Variants in GNPDA2 observed in about 807,000 individuals in gnomAD.
GNPDA2 encodes the protein glcN6P deaminase 2.
Under a neutral mutation model 27.0 loss-of-function variants are expected in GNPDA2, and 24 were observed. The ratio of observed to expected loss-of-function variants is 0.89; its 90% CI spans 0.64 to 1.25. The LOEUF (loss-of-function observed/expected upper bound fraction) is 1.25. GNPDA2 is among the 50% of genes most tolerant of loss of function. The pLI, the probability that GNPDA2 is intolerant of heterozygous loss-of-function variation, is 0.00. For synonymous variants in GNPDA2, 94 were observed against 108.4 expected, an observed-to-expected ratio of 0.87 and a Z score of 0.83; for missense variants, 286 against 335.1, an observed-to-expected ratio of 0.85 and a Z score of 1.14.
At chr4:44,711,571 C>G (rs977155187) in intron 4 of GNPDA2, among the ~76,000 whole-genome samples, 1 of 152,078 alleles carries the variant, frequency 6.6e-6, no homozygotes, top group African/African-American at 2.4e-5. Flanking sequence ...TGGGTAAATA[C>G]TGAGACAGGA....
intron 6 of GNPDA2, chr4:44,706,357 ACTAT>A (rs1210661888): frequency 2.6e-5 from 4 of 151,956 alleles, no homozygotes. Flanking sequence ...TATGTACTTA[ACTAT>A]CCATTAAAAT....
At chr4:44,718,125 AAAATACAGGTTTTT>A (rs1717428039) in intron 3 of GNPDA2, among the ~76,000 whole-genome samples, 170 bp downstream of exon 3, 1 of 151,886 alleles carries the variant, frequency 6.6e-6, no homozygotes, top group African/African-American at 2.4e-5. Context: ...TACTATCACA[AAAATACAGGTTTTT>A]AAATAAACTC....
chr4:44,702,861 TAATA>T lies in GNPDA2; in HGVS notation c.*216_*219del, dbSNP rs1716359443. 6 of 1,381,544 alleles carry T rather than the reference TAATA, an allele frequency of 4.3e-6. No individual in the cohort carries two copies. The highest frequency in any genetic ancestry group is 5.6e-5 in the East Asian group (2 of 35,428). 85.6% of individuals were successfully genotyped at this position (1,381,544 alleles called of 1,614,324 possible). On this transcript the variant is annotated 3_prime_UTR_variant, in exon 7 of 7. Coordinates refer to ENST00000295448, the MANE Select transcript of GNPDA2 (RefSeq NM_138335.3). Reference sequence around the variant, plus strand: ...GTGGCTATGTGACTTCAGTACTTTATAATAAATAGCCAGTCAATCTTGAGAGCCA... The same window carrying T: ...GTGGCTATGTGACTTCAGTACTTTATAATAGCCAGTCAATCTTGAGAGCCA...
At chr4:44,705,105 A>G in intron 6 of GNPDA2, 1 of 985,100 alleles carries the variant, frequency 1.0e-6, no homozygotes, top group Non-Finnish European at 1.2e-6. Context: ...GCACTAAATA[A>G]AACCCTTTAA....
chr4:44,714,187 CT>C (rs959989099), intron 4 of GNPDA2: 5 of 351,314 alleles, frequency 1.4e-5, no homozygotes, highest in African/African-American at 1.1e-4. Context: ...GTTGGTCAGG[CT>C]GGTGTCGAAC....
rs1240398538 is a variant in GNPDA2 at position 44,710,947 on chromosome 4, GCTTA to G, written c.594+2_594+5del. The G allele has an allele frequency of 5.7e-6, 9 of 1,568,722 alleles. No homozygotes were observed. Among genetic ancestry groups the G allele is most frequent in the Non-Finnish European group, 6.9e-6 (8 of 1,160,836 alleles). ...AGAAAGACAGCAAAGAATATTTAAT[GCTTA>G]CTTCTCTAGCATCCATCACTGTCCC... On this transcript the variant is annotated splice_donor_variant and splice_donor_5th_base_variant and intron_variant, in intron 5 of 6. Transcript: ENST00000295448. LOFTEE classifies it high-confidence loss of function.
At chr4:44,710,434 C>A (rs952360923) in intron 5 of GNPDA2, among the ~76,000 whole-genome samples, 13 of 152,094 alleles carry the variant, frequency 8.5e-5, no homozygotes, top group African/African-American at 3.1e-4. Context: ...AAAAATTACA[C>A]AGGGTCTTCT....
intron 4 of GNPDA2, among the ~76,000 whole-genome samples, chr4:44,711,898 C>G (rs1028263029): frequency 6.6e-5 from 10 of 151,634 alleles, no homozygotes; most frequent in Non-Finnish European, 1.2e-4. Context: ...CTTACCCTTA[C>G]TAGGAACCAT....
intron 1 of GNPDA2, among the ~76,000 whole-genome samples, chr4:44,725,269 C>T (rs1272295088): frequency 6.6e-6 from 1 of 152,144 alleles, no homozygotes; most frequent in Non-Finnish European, 1.5e-5. Flanking sequence ...ACTGCAACTA[C>T]GAGAAGTTTA....
At chr4:44,720,334 C>T (rs1030220953) in intron 2 of GNPDA2, among the ~76,000 whole-genome samples, 1 of 152,086 alleles carries the variant, frequency 6.6e-6, no homozygotes, top group African/African-American at 2.4e-5. Flanking sequence ...GGATTCCAAT[C>T]TAGATAGGTC....
Position 44,702,007 on chromosome 4 carries a change from T to C in GNPDA2, c.*1074A>G. Reference sequence around the variant, plus strand: ...ATAAGCAAAAGGAGCATTTTTTTGCTCCCCACAGAGGCAAAGACATCTTTT... The same window carrying C: ...ATAAGCAAAAGGAGCATTTTTTTGCCCCCCACAGAGGCAAAGACATCTTTT... On this transcript the variant is annotated 3_prime_UTR_variant, in exon 7 of 7. Coordinates refer to ENST00000295448, the MANE Select transcript of GNPDA2 (RefSeq NM_138335.3). 1 of 985,364 alleles carries C rather than the reference T, an allele frequency of 1.0e-6. No individual in the cohort carries two copies. The highest frequency in any genetic ancestry group is 1.2e-6 in the Non-Finnish European group (1 of 829,744). The allele number at this position is 985,364 out of a possible 1,614,324, so 61.0% of individuals were successfully genotyped here. A position where few individuals can be genotyped will look rare whatever the true frequency, so the allele number is the denominator to read the frequency against.
intron 6 of GNPDA2, chr4:44,707,044 C>T (rs1341685828): frequency 2.0e-5 from 3 of 151,980 alleles, no homozygotes; most frequent in Non-Finnish European, 2.9e-5. Flanking sequence ...GGAGCTGACT[C>T]TTAAATCAGA....
chr4:44,711,005 A>C lies in GNPDA2; in HGVS notation c.542T>G (p.Val181Gly). Residue 181 changes from valine (V) to glycine (G), a missense_variant, in exon 5 of 7, where the codon GTG becomes GGG. Val to Gly is a moderately radical substitution (Grantham distance 109). Transcript: ENST00000295448. ...ACCAACAGTTAGAGCCATAGTTGGC[A>C]CTTTTGATAAATCTCCATCAAAATA... ...AKYFDGDLSK[V>G]PTMALTVGVG... 6.2e-7 allele frequency: 1 copy of C among 1,612,984 alleles called. No individual in the cohort carries two copies. The highest frequency in any genetic ancestry group is 8.5e-7 in the Non-Finnish European group (1 of 1,179,454).
intron 4 of GNPDA2, among the ~76,000 whole-genome samples, chr4:44,712,697 T>C (rs1282419863): frequency 6.6e-6 from 1 of 152,186 alleles, no homozygotes; most frequent in East Asian, 1.9e-4. Context: ...TGAAGTCTAC[T>C]AAGATCTACT....
At chr4:44,705,461 G>A in intron 6 of GNPDA2, 1 of 985,130 alleles carries the variant, frequency 1.0e-6, no homozygotes, top group Non-Finnish European at 1.2e-6. Context: ...GTGTCCTCTT[G>A]ATGCAGTGCA....
chr4:44,707,561 A>G (rs1577582207), intron 6 of GNPDA2, 191 bp downstream of exon 6: 6 of 20,060 alleles, frequency 3.0e-4, no homozygotes, highest in African/African-American at 6.0e-4. Context: ...CTCTTCATGA[A>G]AAAAAAAAAA....
chr4:44,702,790 T>TA lies in GNPDA2; in HGVS notation c.*290dup. The TA allele has an allele frequency of 8.2e-7, 1 of 1,219,768 alleles. No homozygotes were observed. Among genetic ancestry groups the TA allele is most frequent in the South Asian group, 2.1e-5 (1 of 47,840 alleles). 75.6% of individuals were successfully genotyped at this position (1,219,768 alleles called of 1,614,324 possible). On this transcript the variant is annotated 3_prime_UTR_variant, in exon 7 of 7. Coordinates refer to ENST00000295448, the MANE Select transcript of GNPDA2 (RefSeq NM_138335.3). ...GTGCCTGATGTGGACACTCTACCTT[T>TA]AAAATGACTTTTTAAACAGGCAGAC...
rs564069852 is a variant in GNPDA2, at chr4:44,713,805, G to C, written c.410-2668C>G. Among the ~76,000 whole-genome samples, 1,173 of 152,114 alleles carry C rather than the reference G, an allele frequency of 7.7e-3. 11 individuals carry two copies. The highest frequency in any genetic ancestry group is 0.027 in the African/African-American group (1,119 of 41,528). On this transcript the variant is annotated intron_variant, in intron 4 of 6. Coordinates refer to ENST00000295448, the MANE Select transcript of GNPDA2 (RefSeq NM_138335.3). Reference sequence around the variant, plus strand: ...TGAGGCAGGAGGATCGCTTGAACCTGGGAGGTGGAGGTTGCAGTAAGCCAA... The same window carrying C: ...TGAGGCAGGAGGATCGCTTGAACCTCGGAGGTGGAGGTTGCAGTAAGCCAA...
At chr4:44,725,000 A>C (rs907996013) in intron 1 of GNPDA2, among the ~76,000 whole-genome samples, 6 of 152,204 alleles carry the variant, frequency 3.9e-5, no homozygotes, top group Non-Finnish European at 7.3e-5. Flanking sequence ...ACTTCTAACA[A>C]GAATATATGG....
Sources: gnomAD v4.1 joint callset for allele counts (sites outside exome capture counted in the v4.1 genomes callset) on GRCh38, gnomAD v4.1.1 for gene constraint, MANE v1.5 for transcripts, NCBI Gene and HGNC (gene_info 2026-07-23, HGNC 2026-07-21) for gene names.